Variants in VEPH1 observed in about 807,000 individuals in gnomAD.
VEPH1 encodes ventricular zone expressed PH domain containing 1, also known as ventricular zone-expressed PH domain-containing protein homolog 1.
In VEPH1, 80 loss-of-function variants were observed where a neutral mutation model predicts 85.2. That is an observed-to-expected ratio of 0.94 (90% CI 0.78 to 1.13). VEPH1 has a LOEUF of 1.13. Among genes scored for constraint, VEPH1 ranks in the 50% most tolerant of loss-of-function variants. The pLI is 0.00. For missense variants in VEPH1, 955 were observed against 980.5 expected (o/e 0.97, Z 0.35); for synonymous variants, 297 against 348.0 (o/e 0.85, Z 1.63).
chr3:157,459,907 C>T (rs890706461), intron 4 of VEPH1: 65 of 1,537,004 alleles, frequency 4.2e-5, no homozygotes, highest in East Asian at 2.9e-4. Context: ...ACCAGAAGCA[C>T]GGAAATGCAG....
At chr3:157,398,401 C>T (rs764664918) in intron 6 of VEPH1, among the ~76,000 whole-genome samples, 15 of 152,206 alleles carry the variant, frequency 9.9e-5, no homozygotes, top group Non-Finnish European at 1.9e-4. Context: ...TTTGGGAGGC[C>T]GAGGCGTGTG....
At chr3:157,444,803 T>C (rs913085167) in intron 4 of VEPH1, among the ~76,000 whole-genome samples, 1 of 152,202 alleles carries the variant, frequency 6.6e-6, no homozygotes, top group African/African-American at 2.4e-5. Flanking sequence ...ATTACATGTT[T>C]AGGGTGAAGA....
At chr3:157,313,810 T>C in intron 10 of VEPH1, 55 bp from the exon 11 acceptor site, 3 of 1,590,880 alleles carry the variant, frequency 1.9e-6, no homozygotes, top group South Asian at 1.1e-5. Flanking sequence ...CCCAATAGTA[T>C]TGTTTGATTG....
intron 9 of VEPH1, among the ~76,000 whole-genome samples, chr3:157,337,270 C>T (rs916488730): frequency 9.9e-5 from 15 of 152,130 alleles, no homozygotes; most frequent in Admixed American, 7.9e-4. Flanking sequence ...CATTTCTTTA[C>T]ATATTAAATT....
intron 3 of VEPH1, among the ~76,000 whole-genome samples, chr3:157,462,357 T>G (rs963899794): frequency 1.3e-5 from 2 of 152,150 alleles, no homozygotes; most frequent in African/African-American, 4.8e-5. Flanking sequence ...TTTAAATAGA[T>G]GCAAAAGTTA....
At chr3:157,447,471 C>A (rs896731615) in intron 4 of VEPH1, among the ~76,000 whole-genome samples, 4 of 152,094 alleles carry the variant, frequency 2.6e-5, no homozygotes, top group African/African-American at 7.2e-5. Context: ...TTCCCAACAA[C>A]TTGTTTTATG....
chr3:157,350,845 G>T (rs1724787076), intron 9 of VEPH1, among the ~76,000 whole-genome samples: 1 of 152,128 alleles, frequency 6.6e-6, no homozygotes, highest in Non-Finnish European at 1.5e-5. Flanking sequence ...CAGTTACAGT[G>T]GCTATTATCA....
intron 9 of VEPH1, among the ~76,000 whole-genome samples, chr3:157,319,657 C>T (rs1048368903): frequency 6.6e-6 from 1 of 152,096 alleles, no homozygotes; most frequent in African/African-American, 2.4e-5. Context: ...ATGTAGTTAG[C>T]TTGAGAGTTG....
chr3:157,402,785 CTGA>C (rs1036948589), intron 6 of VEPH1, among the ~76,000 whole-genome samples: 4 of 152,068 alleles, frequency 2.6e-5, no homozygotes, highest in Non-Finnish European at 4.4e-5. Flanking sequence ...AAGAAATAAA[CTGA>C]TGTCAAGATA....
chr3:157,443,414 A>G (rs1211918234), intron 4 of VEPH1: 3 of 158,392 alleles, frequency 1.9e-5, no homozygotes, highest in African/African-American at 7.2e-5. Context: ...AAAAAAGATG[A>G]AAACATATTT....
chr3:157,484,716 G>A (rs1189382196), intron 2 of VEPH1, among the ~76,000 whole-genome samples: 1 of 152,072 alleles, frequency 6.6e-6, no homozygotes, highest in Non-Finnish European at 1.5e-5. Flanking sequence ...AATAGGAGGA[G>A]GACAGAGTTC....
At chr3:157,447,102 G>GCAAA (rs1156278199) in intron 4 of VEPH1, among the ~76,000 whole-genome samples, 1 of 152,150 alleles carries the variant, frequency 6.6e-6, no homozygotes, top group East Asian at 1.9e-4. Context: ...AAATAAGCAA[G>GCAAA]CAAACAAAAA....
chr3:157,389,500 G>GTGAA (rs1268303793), intron 6 of VEPH1, among the ~76,000 whole-genome samples: 6 of 152,156 alleles, frequency 3.9e-5, no homozygotes, highest in African/African-American at 1.4e-4. Flanking sequence ...GTGCACATCT[G>GTGAA]TGAATGACTT....
At chr3:157,501,652 C>T (rs1048624782) in intron 1 of VEPH1, among the ~76,000 whole-genome samples, 1 of 152,166 alleles carries the variant, frequency 6.6e-6, no homozygotes, top group African/African-American at 2.4e-5. Context: ...TATTGGGATA[C>T]TGCCTATAGA....
chr3:157,267,763 G>A (rs959941733), intron 12 of VEPH1, among the ~76,000 whole-genome samples: 3 of 152,136 alleles, frequency 2.0e-5, no homozygotes, highest in Non-Finnish European at 2.9e-5. Context: ...GTGAGACTCC[G>A]TCTCAAAAAC....
At chr3:157,311,739 G>C (rs1720136756) in intron 11 of VEPH1, among the ~76,000 whole-genome samples, 1 of 152,030 alleles carries the variant, frequency 6.6e-6, no homozygotes, top group South Asian at 2.1e-4. Context: ...GAAGCAGCCT[G>C]CCAGGTTTTA....
At chr3:157,427,160 G>A (rs555278571) in intron 5 of VEPH1, among the ~76,000 whole-genome samples, 1 of 151,830 alleles carries the variant, frequency 6.6e-6, no homozygotes, top group Non-Finnish European at 1.5e-5. Context: ...GCTAGCTTTT[G>A]TATTTTTAGT....
At chr3:157,290,638 A>T (rs1253906258) in intron 11 of VEPH1, among the ~76,000 whole-genome samples, 1 of 152,200 alleles carries the variant, frequency 6.6e-6, no homozygotes, top group Non-Finnish European at 1.5e-5. Flanking sequence ...ACACAAAAGA[A>T]TGTTGAAGTT....
intron 2 of VEPH1, among the ~76,000 whole-genome samples, chr3:157,478,793 A>G (rs1737736418): frequency 6.6e-6 from 1 of 152,236 alleles, no homozygotes; most frequent in Non-Finnish European, 1.5e-5. Flanking sequence ...ATATAGTAAT[A>G]TATCAGGTAT....
Sources: gnomAD v4.1 joint callset for allele counts (sites outside exome capture counted in the v4.1 genomes callset) on GRCh38, gnomAD v4.1.1 for gene constraint, MANE v1.5 for transcripts, NCBI Gene and HGNC (gene_info 2026-07-23, HGNC 2026-07-21) for gene names.